GPC6: variants seen among roughly 807,000 people sequenced by gnomAD.
GPC6 encodes the protein glypican-6.
A neutral mutation model predicts 55.2 loss-of-function variants in GPC6; 14 were observed. The ratio of observed to expected loss-of-function variants is 0.25; its 90% CI spans 0.17 to 0.40. GPC6 has a LOEUF of 0.40. Ranked by LOEUF, GPC6 falls within the 10% of genes least tolerant of loss-of-function variation. GPC6 has a pLI of 1.00. For missense variants in GPC6, 641 were observed against 708.5 expected, an observed-to-expected ratio of 0.90 and a Z score of 1.08; for synonymous variants, 278 against 259.6, an observed-to-expected ratio of 1.07 and a Z score of -0.68.
At chr13:93,398,503 G>T (rs896886299) in intron 1 of GPC6, among the ~76,000 whole-genome samples, 2 of 152,172 alleles carry the variant, frequency 1.3e-5, no homozygotes, top group African/African-American at 4.8e-5. Flanking sequence ...TTGAGGACAT[G>T]AGTAGTCTGC....
intron 3 of GPC6, among the ~76,000 whole-genome samples, chr13:93,892,283 A>C (rs73553717): frequency 0.012 from 1,686 of 143,918 alleles, 23 homozygotes; most frequent in African/African-American, 0.039. Context: ...AAGCATTCCA[A>C]AAATATTTAC....
intron 2 of GPC6, among the ~76,000 whole-genome samples, chr13:93,645,636 C>G (rs889337042): frequency 6.6e-6 from 1 of 152,050 alleles, no homozygotes; most frequent in Non-Finnish European, 1.5e-5. Context: ...CACGTTTTGT[C>G]GATCTTGCTT....
At chr13:93,345,919 A>T (rs1174065185) in intron 1 of GPC6, among the ~76,000 whole-genome samples, 2 of 152,218 alleles carry the variant, frequency 1.3e-5, no homozygotes, top group Non-Finnish European at 2.9e-5. Flanking sequence ...TCAGTGAGGT[A>T]AAGAAAAGTT....
chr13:93,600,578 G>T (rs964223541), intron 2 of GPC6, among the ~76,000 whole-genome samples: 5 of 152,192 alleles, frequency 3.3e-5, no homozygotes, highest in African/African-American at 1.2e-4. Context: ...TGGGTAGAAA[G>T]GTCTCTGAGT....
chr13:93,322,761 C>G (rs980796227), intron 1 of GPC6, among the ~76,000 whole-genome samples: 4 of 151,792 alleles, frequency 2.6e-5, no homozygotes, highest in African/African-American at 7.3e-5. Flanking sequence ...TTTTGTTGTT[C>G]TTGTTGTTGT....
At chr13:93,753,001 C>T (rs1884650107) in intron 2 of GPC6, among the ~76,000 whole-genome samples, 1 of 152,190 alleles carries the variant, frequency 6.6e-6, no homozygotes, top group Admixed American at 6.5e-5. Flanking sequence ...GAAGAATAAA[C>T]ACTTTTTAGA....
intron 3 of GPC6, among the ~76,000 whole-genome samples, chr13:93,920,279 A>C (rs1347681361): frequency 6.6e-6 from 1 of 152,098 alleles, no homozygotes; most frequent in Non-Finnish European, 1.5e-5. Context: ...CCTTCAAATG[A>C]GAGCATCCCC....
chr13:93,579,796 C>T (rs114600722), intron 2 of GPC6, among the ~76,000 whole-genome samples: 1,748 of 152,136 alleles, frequency 0.011, 34 homozygotes, highest in African/African-American at 0.04. Context: ...CTCACAAAGA[C>T]GATTCTCATC....
chr13:94,080,307 T>A (rs529002391), intron 4 of GPC6, among the ~76,000 whole-genome samples: 1 of 152,280 alleles, frequency 6.6e-6, no homozygotes, highest in East Asian at 1.9e-4. Context: ...TCAGTGAAAT[T>A]TAAAAGCTGA....
intron 4 of GPC6, among the ~76,000 whole-genome samples, chr13:94,051,618 A>G (rs1166039274): frequency 6.6e-6 from 1 of 152,200 alleles, no homozygotes; most frequent in Non-Finnish European, 1.5e-5. Flanking sequence ...TGGAAAGTGT[A>G]AAGAGATATT....
intron 3 of GPC6, among the ~76,000 whole-genome samples, chr13:93,961,730 A>G (rs1452098056): frequency 2.0e-5 from 3 of 152,182 alleles, no homozygotes; most frequent in Admixed American, 6.5e-5. Flanking sequence ...TTCAGAGGAG[A>G]CTTGAAAGTT....
chr13:93,659,065 G>C (rs747342459), intron 2 of GPC6, among the ~76,000 whole-genome samples: 1 of 151,842 alleles, frequency 6.6e-6, no homozygotes, highest in Non-Finnish European at 1.5e-5. Flanking sequence ...AGGCTTTTCA[G>C]ATTTTCTGTC....
chr13:93,436,438 T>C (rs928121292), intron 1 of GPC6, among the ~76,000 whole-genome samples: 17 of 152,196 alleles, frequency 1.1e-4, no homozygotes, highest in Admixed American at 5.2e-4. Flanking sequence ...CAAACTGATA[T>C]GTATTTAACT....
chr13:93,638,809 A>G (rs972674417), intron 2 of GPC6, among the ~76,000 whole-genome samples: 8 of 152,186 alleles, frequency 5.3e-5, no homozygotes, highest in Non-Finnish European at 1.2e-4. Context: ...GTTCATGTAT[A>G]TATAGTATAA....
intron 2 of GPC6, among the ~76,000 whole-genome samples, chr13:93,608,345 T>C (rs868002915): frequency 4.6e-5 from 7 of 152,362 alleles, no homozygotes; most frequent in African/African-American, 7.2e-5. Flanking sequence ...ATTGGTTGTA[T>C]TTCTTATTCT....
intron 4 of GPC6, among the ~76,000 whole-genome samples, chr13:94,066,160 C>T (rs1884508141): frequency 6.6e-6 from 1 of 152,110 alleles, no homozygotes; most frequent in Non-Finnish European, 1.5e-5. Context: ...TCAAATACTT[C>T]AGTAAAATCA....
At chr13:93,849,359 G>A (rs1888315720) in intron 3 of GPC6, among the ~76,000 whole-genome samples, 2 of 152,160 alleles carry the variant, frequency 1.3e-5, no homozygotes, top group East Asian at 1.9e-4. Flanking sequence ...TCACAAAAGA[G>A]ATAAAATTAA....
intron 4 of GPC6, among the ~76,000 whole-genome samples, chr13:94,087,000 G>C (rs761218510): frequency 6.6e-6 from 1 of 152,094 alleles, no homozygotes; most frequent in Non-Finnish European, 1.5e-5. Flanking sequence ...TATGTGAGGC[G>C]CTGTGGAAAA....
Position 94,040,932 on chromosome 13 carries a change from T to C in GPC6, c.877+13038T>C, listed in dbSNP as rs537288500. ...AGTTTCAGGATTCATTTGATTTACA[T>C]GTGGAATTGATAGATATTAAAATCC... On this transcript the variant is annotated intron_variant, in intron 4 of 8. Transcript: ENST00000377047. Among the ~76,000 whole-genome samples the C allele has an allele frequency of 3.3e-5, 5 of 152,014 alleles. No homozygotes were observed. In the East Asian group the frequency reaches 7.8e-4, roughly 24 times the overall value.
Sources: allele counts gnomAD v4.1 joint callset (sites outside exome capture counted in the v4.1 genomes callset), GRCh38; gene constraint gnomAD v4.1.1; transcripts MANE v1.5; gene names NCBI Gene and HGNC (gene_info 2026-07-23, HGNC 2026-07-21).